The following KLRG1 variants were observed in gnomAD, a reference collection of about 807,000 sequenced individuals.
KLRG1 encodes killer cell lectin like receptor G1.
KLRG1 carries 16 observed loss-of-function variants against 21.8 expected under a neutral mutation model. That is an observed-to-expected ratio of 0.73 (90% CI 0.50 to 1.11). The LOEUF (loss-of-function observed/expected upper bound fraction) is 1.11. KLRG1 is among the 50% of genes most tolerant of loss of function. The pLI is 0.00. For synonymous variants in KLRG1, 69 were observed against 75.9 expected, an observed-to-expected ratio of 0.91 and a Z score of 0.47; for missense variants, 173 against 218.3, an observed-to-expected ratio of 0.79 and a Z score of 1.31.
At chr12:9,070,124 T>A in the KLRG1 span, among the ~76,000 whole-genome samples, 1 of 152,248 alleles carries the variant, frequency 6.6e-6, no homozygotes, top group African/African-American at 2.4e-5. Flanking sequence ...TTTTCCTGTT[T>A]TGCTTGCTCT....
At chr12:8,987,314 A>G (rs1293851441), upstream of KLRG1, 1 of 152,156 alleles carries the variant, frequency 6.6e-6, no homozygotes, top group Non-Finnish European at 1.5e-5. Flanking sequence ...CCCTGATCTG[A>G]TAGGATTAAT....
At chr12:9,166,579 G>A in the KLRG1 span, among the ~76,000 whole-genome samples, 4 of 152,108 alleles carry the variant, frequency 2.6e-5, no homozygotes, top group African/African-American at 9.7e-5. Context: ...ATTGAGAGTG[G>A]TTGCTATACT....
At chr12:8,971,374 A>G (rs1487900780) in intron 1 of KLRG1, 1 of 146,244 alleles carries the variant, frequency 6.8e-6, no homozygotes, top group Non-Finnish European at 1.5e-5. Context: ...ATTGACATAA[A>G]GATATAACAT....
chr12:9,206,097 C>T, the KLRG1 span, among the ~76,000 whole-genome samples: 2 of 152,150 alleles, frequency 1.3e-5, no homozygotes, highest in African/African-American at 4.8e-5. Flanking sequence ...TTCAGCTAGT[C>T]TCTTATGTCT....
At chr12:8,992,459 A>G (rs1565546358) in intron 2 of KLRG1, 149 bp downstream of exon 2, 1 of 552,638 alleles carries the variant, frequency 1.8e-6, no homozygotes, top group East Asian at 3.2e-5. Flanking sequence ...GCCTTTGACC[A>G]TGTGCACTTG....
the KLRG1 span, chr12:9,192,591 T>TGGCCACAGGGCAGGGTACC: frequency 6.2e-7 from 1 of 1,614,232 alleles, no homozygotes; most frequent in East Asian, 2.2e-5. Context: ...AGTCTCCGTG[T>TGGCCACAGGGCAGGGTACC]GGCCACAGGG....
intron 1 of KLRG1, among the ~76,000 whole-genome samples, chr12:8,984,155 T>C (rs1316616504): frequency 6.6e-6 from 1 of 152,174 alleles, no homozygotes; most frequent in Admixed American, 6.5e-5. Flanking sequence ...TCATGTTTAC[T>C]GACCTTTTTA....
the KLRG1 span, chr12:9,127,681 C>G: frequency 6.4e-6 from 1 of 156,616 alleles, no homozygotes; most frequent in African/African-American, 2.4e-5. Flanking sequence ...TTTGTGCCCT[C>G]ATCCTCCTCT....
chr12:9,084,321 G>A, the KLRG1 span, among the ~76,000 whole-genome samples: 23 of 152,200 alleles, frequency 1.5e-4, no homozygotes, highest in African/African-American at 5.1e-4. Flanking sequence ...GGTATTTAAA[G>A]CAATTTTATC....
At chr12:9,107,556 A>C in the KLRG1 span, 1 of 1,613,986 alleles carries the variant, frequency 6.2e-7, no homozygotes, top group Non-Finnish European at 8.5e-7. Flanking sequence ...AAAGCCTGTG[A>C]ATCTTCACCG....
the KLRG1 span, among the ~76,000 whole-genome samples, chr12:9,088,368 A>C: frequency 6.6e-6 from 1 of 152,132 alleles, no homozygotes; most frequent in African/African-American, 2.4e-5. Context: ...CCTTACACTT[A>C]AGAGATACAT....
chr12:9,115,939 T>A, the KLRG1 span: 1 of 1,041,952 alleles, frequency 9.6e-7, no homozygotes, highest in South Asian at 1.3e-5. Flanking sequence ...CCAAAGCAAC[T>A]GGGCTTTATG....
chr12:9,088,612 A>G, the KLRG1 span, among the ~76,000 whole-genome samples: 11 of 152,172 alleles, frequency 7.2e-5, no homozygotes, highest in Non-Finnish European at 1.2e-4. Flanking sequence ...TGTTGATTCA[A>G]TGTTGGTTTG....
At chr12:9,095,417 C>A in the KLRG1 span, 1 of 950,838 alleles carries the variant, frequency 1.1e-6, no homozygotes, top group Non-Finnish European at 1.5e-6. Context: ...AGAGAAGCCA[C>A]TTACCTCTTT....
chr12:9,126,548 CAT>C, the KLRG1 span, among the ~76,000 whole-genome samples: 1 of 152,170 alleles, frequency 6.6e-6, no homozygotes, highest in South Asian at 2.1e-4. Context: ...AACTTTCCGA[CAT>C]AGCAATTAAG....
At chr12:9,109,034 T>TTGTG in the KLRG1 span, among the ~76,000 whole-genome samples, 625 of 151,222 alleles carry the variant, frequency 4.1e-3, 4 homozygotes, top group African/African-American at 0.013. Context: ...CCTTCCCATT[T>TTGTG]TGTGTGTGTG....
chr12:9,099,839 TGTAAGA>T, the KLRG1 span, among the ~76,000 whole-genome samples: 1 of 152,210 alleles, frequency 6.6e-6, no homozygotes, highest in Non-Finnish European at 1.5e-5. Context: ...AGTTATGAGA[TGTAAGA>T]GTAAGAGTTC....
the KLRG1 span, chr12:9,127,855 G>A: frequency 4.0e-6 from 1 of 246,978 alleles, no homozygotes; most frequent in Non-Finnish European, 8.3e-6. Context: ...TCTGCGACTG[G>A]GCCCCGGGGC....
downstream of KLRG1, among the ~76,000 whole-genome samples, chr12:9,014,830 A>T (rs1947677951): frequency 6.6e-6 from 1 of 152,172 alleles, no homozygotes; most frequent in Admixed American, 6.5e-5. Context: ...CAATAACATA[A>T]ATAGAAACAA....
Sources: allele counts gnomAD v4.1 joint callset (sites outside exome capture counted in the v4.1 genomes callset), GRCh38; gene constraint gnomAD v4.1.1; transcripts MANE v1.5; gene names NCBI Gene and HGNC (gene_info 2026-07-23, HGNC 2026-07-21).